Variants in GRM5 observed in about 807,000 individuals in gnomAD.
The protein encoded by GRM5 is glutamate metabotropic receptor 5.
Under a neutral mutation model 83.1 loss-of-function variants are expected in GRM5, and 19 were observed. The observed-to-expected ratio is 0.23, with a 90% confidence interval of 0.16 to 0.34. The LOEUF (loss-of-function observed/expected upper bound fraction) is 0.34, where lower values mean the gene tolerates loss of function less well. GRM5 is among the 10% of genes least tolerant of loss of function. The pLI is 1.00. For synonymous variants in GRM5, 675 were observed against 633.6 expected, an observed-to-expected ratio of 1.07 and a Z score of -0.98; for missense variants, 1,160 against 1,588.3, an observed-to-expected ratio of 0.73 and a Z score of 4.58.
intron 2 of GRM5, among the ~76,000 whole-genome samples, chr11:89,028,847 A>G (rs1181195486): frequency 1.3e-5 from 2 of 152,150 alleles, no homozygotes; most frequent in Non-Finnish European, 2.9e-5. Flanking sequence ...GGTTTGTTAC[A>G]TAGGTATACA....
At chr11:88,530,973 A>G (rs917594360) in intron 8 of GRM5, among the ~76,000 whole-genome samples, 1 of 152,066 alleles carries the variant, frequency 6.6e-6, no homozygotes, top group Non-Finnish European at 1.5e-5. Flanking sequence ...CAAGCACTAA[A>G]TTCACTCAGA....
At chr11:88,981,740 T>C (rs1939530188) in intron 2 of GRM5, among the ~76,000 whole-genome samples, 1 of 152,228 alleles carries the variant, frequency 6.6e-6, no homozygotes, top group Non-Finnish European at 1.5e-5. Context: ...CTGAAGTTCG[T>C]ATCTCAGCTC....
intron 2 of GRM5, among the ~76,000 whole-genome samples, chr11:89,014,856 G>C (rs781456450): frequency 3.9e-5 from 6 of 152,036 alleles, no homozygotes; most frequent in Non-Finnish European, 8.8e-5. Context: ...AATTTTAAAA[G>C]CTTTGCTTCA....
At chr11:88,661,213 A>G (rs1270414398) in intron 3 of GRM5, among the ~76,000 whole-genome samples, 1 of 152,202 alleles carries the variant, frequency 6.6e-6, no homozygotes. Flanking sequence ...TACATACCAA[A>G]TACTCAAGAA....
At chr11:88,800,513 T>C (rs1659909145) in intron 3 of GRM5, among the ~76,000 whole-genome samples, 1 of 152,170 alleles carries the variant, frequency 6.6e-6, no homozygotes, top group Non-Finnish European at 1.5e-5. Context: ...ACAAGAATCA[T>C]ATTGTGTTTA....
intron 2 of GRM5, among the ~76,000 whole-genome samples, chr11:88,961,270 G>A (rs898726495): frequency 8.5e-5 from 13 of 152,288 alleles, no homozygotes; most frequent in Admixed American, 2.6e-4. Context: ...GTAAACAAAT[G>A]GGTGCAATGT....
At chr11:88,986,571 T>G (rs866668259) in intron 2 of GRM5, among the ~76,000 whole-genome samples, 2 of 152,088 alleles carry the variant, frequency 1.3e-5, no homozygotes, top group South Asian at 4.1e-4. Context: ...TACTAAGTTG[T>G]ATGGGTCCCT....
chr11:88,994,445 T>TTATATATA (rs58154444), intron 2 of GRM5, among the ~76,000 whole-genome samples: 130 of 86,882 alleles, frequency 1.5e-3, no homozygotes, highest in Middle Eastern at 9.1e-3. Flanking sequence ...CTTTAACTGA[T>TTATATATA]TATATATATA....
At chr11:88,651,905 C>A (rs1389294502) in intron 4 of GRM5, among the ~76,000 whole-genome samples, 1 of 152,028 alleles carries the variant, frequency 6.6e-6, no homozygotes, top group African/African-American at 2.4e-5. Flanking sequence ...CCCAAAAGAA[C>A]AAACTGATAC....
At chr11:88,807,712 T>A (rs1943520157) in intron 3 of GRM5, among the ~76,000 whole-genome samples, 1 of 152,060 alleles carries the variant, frequency 6.6e-6, no homozygotes, top group South Asian at 2.1e-4. Flanking sequence ...GCATTTAGTG[T>A]TTCAAAAAAC....
At chr11:88,678,125 C>G (rs1029677457) in intron 3 of GRM5, among the ~76,000 whole-genome samples, 8 of 151,212 alleles carry the variant, frequency 5.3e-5, no homozygotes, top group African/African-American at 1.9e-4. Flanking sequence ...GTAGCATAAT[C>G]ATAGCTCTCT....
intron 2 of GRM5, among the ~76,000 whole-genome samples, chr11:89,040,627 A>C (rs1486038764): frequency 6.6e-6 from 1 of 152,162 alleles, no homozygotes. Context: ...TTTGAGACCA[A>C]GAGGTTGAGA....
At chr11:88,572,547 GATTT>G (rs1334839811) in intron 7 of GRM5, among the ~76,000 whole-genome samples, 1 of 152,064 alleles carries the variant, frequency 6.6e-6, no homozygotes, top group Non-Finnish European at 1.5e-5. Context: ...ACTAGTATTA[GATTT>G]ATTTCTTTTG....
intron 4 of GRM5, among the ~76,000 whole-genome samples, chr11:88,646,331 C>T (rs191858502): frequency 2.4e-4 from 36 of 149,532 alleles, no homozygotes; most frequent in African/African-American, 4.8e-5. Flanking sequence ...TTATTAAATT[C>T]GACTTATAAT....
At chr11:88,727,456 C>T (rs1427640416) in intron 3 of GRM5, among the ~76,000 whole-genome samples, 3 of 152,164 alleles carry the variant, frequency 2.0e-5, no homozygotes, top group Non-Finnish European at 2.9e-5. Context: ...TAACACTGCA[C>T]TGTCAATATT....
intron 3 of GRM5, among the ~76,000 whole-genome samples, chr11:88,655,670 T>C (rs1388790323): frequency 6.9e-6 from 1 of 144,882 alleles, no homozygotes; most frequent in Admixed American, 7.0e-5. Context: ...GTACTTTCTC[T>C]GTTTTTTTTT....
intron 3 of GRM5, among the ~76,000 whole-genome samples, chr11:88,733,470 G>A (rs542866586): frequency 5.9e-5 from 9 of 152,022 alleles, no homozygotes; most frequent in South Asian, 4.1e-4. Context: ...CCCACGTTCC[G>A]GACTCTGAAT....
intron 2 of GRM5, among the ~76,000 whole-genome samples, chr11:88,968,948 A>G (rs1247309133): frequency 6.6e-6 from 1 of 152,076 alleles, no homozygotes; most frequent in East Asian, 1.9e-4. Context: ...ATAAGATTAG[A>G]TTTTTTAAAA....
chr11:88,921,574 G>C (rs1945693930), intron 2 of GRM5, among the ~76,000 whole-genome samples: 1 of 151,868 alleles, frequency 6.6e-6, no homozygotes, highest in Non-Finnish European at 1.5e-5. Flanking sequence ...AGCTTGCAGT[G>C]AGCTGAGATC....
Sources: allele counts gnomAD v4.1 joint callset (sites outside exome capture counted in the v4.1 genomes callset), GRCh38; gene constraint gnomAD v4.1.1; transcripts MANE v1.5; gene names NCBI Gene and HGNC (gene_info 2026-07-23, HGNC 2026-07-21).